The following EHMT1 variants were observed in gnomAD, a reference collection of about 807,000 sequenced individuals.
The protein encoded by EHMT1 is histone-lysine N-methyltransferase EHMT1.
EHMT1 carries 15 observed loss-of-function variants against 147.2 expected under a neutral mutation model. That is an observed-to-expected ratio of 0.10 (90% confidence interval 0.07 to 0.16). The LOEUF is 0.16. Ranked by LOEUF, EHMT1 falls within the 10% of genes least tolerant of loss-of-function variation. The pLI is 1.00. For missense variants in EHMT1, 1,587 were observed against 1,772.4 expected, an observed-to-expected ratio of 0.90 and a Z score of 1.88; for synonymous variants, 795 against 709.6, an observed-to-expected ratio of 1.12 and a Z score of -1.91.
At chr9:137,657,081 A>G (rs1938537717) in intron 1 of EHMT1, among the ~76,000 whole-genome samples, 2 of 152,148 alleles carry the variant, frequency 1.3e-5, no homozygotes, top group South Asian at 2.1e-4. Context: ...AGTGCAAGGT[A>G]CCTGCTCCAT....
chr9:137,634,793 T>C (rs1431382092), intron 1 of EHMT1, among the ~76,000 whole-genome samples: 2 of 149,432 alleles, frequency 1.3e-5, no homozygotes, highest in Admixed American at 6.7e-5. Flanking sequence ...ACCTCTGCCT[T>C]CCAGGTTCAC....
At chr9:137,793,754 C>T (rs975426500) in intron 16 of EHMT1, among the ~76,000 whole-genome samples, 22 of 152,262 alleles carry the variant, frequency 1.4e-4, no homozygotes, top group African/African-American at 4.8e-4. Flanking sequence ...GGATGGACCT[C>T]GAGGACATTC....
intron 10 of EHMT1, among the ~76,000 whole-genome samples, chr9:137,767,316 G>C (rs1014742543): frequency 6.6e-6 from 1 of 152,160 alleles, no homozygotes; most frequent in African/African-American, 2.4e-5. Flanking sequence ...CACGTGCTGC[G>C]TAACAGCGTT....
Position 137,732,950 on chromosome 9 carries a change from T to G in EHMT1, c.823+4421T>G, listed in dbSNP as rs1398218072. On this transcript the variant is annotated intron_variant, in intron 4 of 26. Transcript: ENST00000460843. The surrounding 1 kb of genome is among the most constrained non-coding windows in gnomAD (Gnocchi z 4.6). ...CTGCTCTTTCCCTCCTGCTACCCCCTTAAGTTTACCACAGGCAGGAAAGAA... is the reference window on the plus strand; with the variant it reads ...CTGCTCTTTCCCTCCTGCTACCCCCGTAAGTTTACCACAGGCAGGAAAGAA... Among the ~76,000 whole-genome samples the G allele has an allele frequency of 1.3e-5, 2 of 152,204 alleles. No individual in the cohort carries two copies. Among genetic ancestry groups the G allele is most frequent in the African/African-American group, 4.8e-5 (2 of 41,458 alleles).
At chr9:137,703,715 A>G (rs1297291790) in intron 1 of EHMT1, among the ~76,000 whole-genome samples, 1 of 152,084 alleles carries the variant, frequency 6.6e-6, no homozygotes, top group African/African-American at 2.4e-5. Flanking sequence ...AACCATTCAA[A>G]AAGCCTCTAG....
chr9:137,686,221 A>C (rs940759767), intron 1 of EHMT1, among the ~76,000 whole-genome samples: 6 of 135,910 alleles, frequency 4.4e-5, no homozygotes, highest in Non-Finnish European at 9.8e-5. Flanking sequence ...ATGACGTCCA[A>C]TTTATCTGTT....
intron 4 of EHMT1, among the ~76,000 whole-genome samples, chr9:137,729,538 C>T (rs1946918769): frequency 6.6e-6 from 1 of 151,610 alleles, no homozygotes; most frequent in South Asian, 2.1e-4. Flanking sequence ...TGTGAGCCAA[C>T]ATCATGCCAC....
intron 1 of EHMT1, among the ~76,000 whole-genome samples, chr9:137,643,947 C>G (rs1844697272): frequency 6.6e-6 from 1 of 152,184 alleles, no homozygotes; most frequent in Non-Finnish European, 1.5e-5. Context: ...TGTCTTCTCA[C>G]CCCTGTCTGA....
In EHMT1 at chr9:137,694,010, A is replaced by G. The variant is rs867564108; in HGVS notation, c.22-16957A>G. On this transcript the variant is annotated intron_variant, in intron 1 of 26. Coordinates refer to ENST00000460843, the MANE Select transcript of EHMT1 (RefSeq NM_024757.5). ...CACACAGTGGCGCAGGACGCTGGCC[A>G]ATACCCACCAGGCGATGGTGCTGGA... 2.0e-3 allele frequency among the ~76,000 whole-genome samples: 147 copies of G among 74,018 alleles called. 4 individuals carry two copies. Among genetic ancestry groups the G allele is most frequent in the African/African-American group, 8.1e-3 (133 of 16,338 alleles). 48.6% of individuals were successfully genotyped at this position (74,018 alleles called of 152,430 possible). A position where few individuals can be genotyped will look rare whatever the true frequency, so the allele number is the denominator to read the frequency against.
At chr9:137,781,216 C>T (rs76792443) in intron 14 of EHMT1, among the ~76,000 whole-genome samples, 120 of 60,622 alleles carry the variant, frequency 2.0e-3, no homozygotes, top group East Asian at 2.9e-3. Context: ...CGTGTGGTGA[C>T]GACGCTGGGA....
chr9:137,814,106 T>A, intron 21 of EHMT1: 1 of 321,170 alleles, frequency 3.1e-6, no homozygotes, highest in Non-Finnish European at 5.9e-6. Context: ...AGGCTCTGTG[T>A]TCTTGCCTTT....
intron 1 of EHMT1, among the ~76,000 whole-genome samples, chr9:137,701,083 C>A (rs1002186164): frequency 6.6e-6 from 1 of 152,116 alleles, no homozygotes; most frequent in African/African-American, 2.4e-5. Context: ...ACAACCAGGT[C>A]TCATGAGAAC....
At chr9:137,833,228 G>A (rs975944807) in intron 25 of EHMT1, among the ~76,000 whole-genome samples, 2 of 152,180 alleles carry the variant, frequency 1.3e-5, no homozygotes, top group Non-Finnish European at 2.9e-5. Context: ...GGCAGGCCCC[G>A]CCCTCTCGGA....
In EHMT1 at chr9:137,676,028, C is replaced by T. The variant is rs1589218570; in HGVS notation, c.22-34939C>T. On this transcript the variant is annotated intron_variant, in intron 1 of 26. Transcript: ENST00000460843. ...CTCGATCTCCTGACCTCGTGATCCGCCCGCCTCGGCCTCCCAAAGTGCTGG... is the reference window on the plus strand; with the variant it reads ...CTCGATCTCCTGACCTCGTGATCCGTCCGCCTCGGCCTCCCAAAGTGCTGG... 5 of 151,778 alleles carry T rather than the reference C, an allele frequency of 3.3e-5. 1 individual carries two copies. The highest frequency in any genetic ancestry group is 3.3e-4 in the Admixed American group (5 of 15,238). 9.4% of individuals were successfully genotyped at this position (151,778 alleles called of 1,614,324 possible).
intron 4 of EHMT1, among the ~76,000 whole-genome samples, chr9:137,742,278 T>A (rs1230730141): frequency 6.8e-6 from 1 of 148,056 alleles, no homozygotes; most frequent in Admixed American, 6.9e-5. Context: ...CTGCACTTTG[T>A]AGAACCAAAT....
At position 137,622,197 on chromosome 9, in the gene EHMT1, C is replaced by T. The variant is rs550668725; in HGVS notation, c.21+3148C>T. Among the ~76,000 whole-genome samples, 20 of 147,970 alleles carry T rather than the reference C, an allele frequency of 1.4e-4. No individual in the cohort carries two copies. In the East Asian group the frequency reaches 3.7e-3, roughly 28 times the overall value. ...GCAGTGGCCCGATCTTGGCTCACTGCAGCCTCCGCCTCCCGGATTCAAGTG... is the reference window on the plus strand; with the variant it reads ...GCAGTGGCCCGATCTTGGCTCACTGTAGCCTCCGCCTCCCGGATTCAAGTG... On this transcript the variant is annotated intron_variant, in intron 1 of 26. Coordinates refer to ENST00000460843, the MANE Select transcript of EHMT1 (RefSeq NM_024757.5).
rs1955975611 is a variant in EHMT1, at chr9:137,828,526, T to TCAGACTGAGAAAGGGGCTCGTCC, written c.3541-5822_3541-5800dup. 1.3e-5 allele frequency among the ~76,000 whole-genome samples: 2 copies of TCAGACTGAGAAAGGGGCTCGTCC among 149,478 alleles called. No individual in the cohort carries two copies. The highest frequency in any genetic ancestry group is 6.6e-5 in the Admixed American group (1 of 15,058). ...TAGGGTCACGCGGAGGCTCCTGGGGTCAGACTGAGAAAGGGGCTCGTCCTG... is the reference window on the plus strand; with the variant it reads ...TAGGGTCACGCGGAGGCTCCTGGGGTCAGACTGAGAAAGGGGCTCGTCCCAGACTGAGAAAGGGGCTCGTCCTG... On this transcript the variant is annotated intron_variant, in intron 25 of 26. Transcript: ENST00000460843. The surrounding 1 kb of genome is among the most constrained non-coding windows in gnomAD (Gnocchi z 5.3).
intron 1 of EHMT1, among the ~76,000 whole-genome samples, chr9:137,630,965 G>C (rs1843588553): frequency 6.6e-6 from 1 of 152,164 alleles, no homozygotes; most frequent in Admixed American, 6.6e-5. Flanking sequence ...GATGACCCTG[G>C]CTGCTGTGTG....
In EHMT1 at chr9:137,828,416, G is replaced by A. The variant is rs751048880; in HGVS notation, c.3541-5933G>A. ...GGCTGGGTCATCAGGCATGACCATT[G>A]CCAAGGCCACATCCTGACTCTAGGC... is the stretch of plus-strand genomic sequence containing the variant. On this transcript the variant is annotated intron_variant, in intron 25 of 26. Coordinates refer to ENST00000460843, the MANE Select transcript of EHMT1 (RefSeq NM_024757.5). This position sits in a 1 kb window ranked among gnomAD's most constrained non-coding sequence, Gnocchi z 5.3. Among the ~76,000 whole-genome samples the A allele has an allele frequency of 5.3e-5, 8 of 152,058 alleles. No individual in the cohort carries two copies. Among genetic ancestry groups the A allele is most frequent in the Non-Finnish European group, 1.2e-4 (8 of 67,992 alleles).
Sources: gnomAD v4.1 joint callset for allele counts (sites outside exome capture counted in the v4.1 genomes callset) on GRCh38, gnomAD v4.1.1 for gene constraint, Gnocchi (gnomAD v3.1) non-coding constraint, MANE v1.5 for transcripts, NCBI Gene and HGNC (gene_info 2026-07-23, HGNC 2026-07-21) for gene names.